Variants in LCORL observed in about 807,000 individuals in gnomAD.
LCORL encodes the protein ligand dependent nuclear receptor corepressor like.
Under a neutral mutation model 141.8 loss-of-function variants are expected in LCORL, and 41 were observed. That is an observed-to-expected ratio of 0.29 (90% CI 0.23 to 0.38). The LOEUF (loss-of-function observed/expected upper bound fraction) is 0.38. Ranked by LOEUF, LCORL falls within the 10% of genes least tolerant of loss-of-function variation. LCORL has a pLI of 1.00. For missense variants in LCORL, 1,759 were observed against 2,035.0 expected (o/e 0.86, Z 2.61); for synonymous variants, 618 against 694.1 (o/e 0.89, Z 1.72).
At chr4:17,930,714 C>G (rs140932300) in intron 4 of LCORL, among the ~76,000 whole-genome samples, 15 of 152,190 alleles carry the variant, frequency 9.9e-5, no homozygotes, top group South Asian at 4.1e-4. Context: ...TATTGACATA[C>G]GTGAGATTGT....
At chr4:17,876,572 T>G in exon 7 of LCORL, 1 of 1,230,952 alleles carries the variant, frequency 8.1e-7, no homozygotes, top group Non-Finnish European at 1.0e-6. Context: ...GATCGTTTTT[T>G]GTTGTGGATT....
chr4:17,931,193 C>T (rs769615232), intron 4 of LCORL, among the ~76,000 whole-genome samples: 1 of 151,942 alleles, frequency 6.6e-6, no homozygotes, highest in South Asian at 2.1e-4. Flanking sequence ...CTCTCTATTA[C>T]CCCCTCTCCT....
At chr4:17,939,809 A>T (rs1422957671) in intron 4 of LCORL, among the ~76,000 whole-genome samples, 2 of 151,690 alleles carry the variant, frequency 1.3e-5, no homozygotes. Flanking sequence ...AACAGAGGTG[A>T]AGTGTTGAAG....
intron 6 of LCORL, chr4:17,881,055 A>C (rs1727502708): frequency 2.0e-6 from 2 of 978,212 alleles, no homozygotes; most frequent in Non-Finnish European, 2.4e-6. Context: ...TAAAGTTAGT[A>C]TACAATTTAA....
intron 1 of LCORL, among the ~76,000 whole-genome samples, chr4:18,000,147 T>C (rs1721697946): frequency 6.9e-6 from 1 of 145,752 alleles, no homozygotes; most frequent in African/African-American, 2.6e-5. Flanking sequence ...TTTTTTGCAC[T>C]GAAAGAGTGA....
At chr4:17,983,914 T>C (rs1311110054) in intron 1 of LCORL, among the ~76,000 whole-genome samples, 1 of 152,220 alleles carries the variant, frequency 6.6e-6, no homozygotes, top group Non-Finnish European at 1.5e-5. Context: ...TTGTCATATG[T>C]GGCTCTTATT....
chr4:17,969,443 G>A (rs144347381), intron 2 of LCORL, among the ~76,000 whole-genome samples: 6 of 152,224 alleles, frequency 3.9e-5, no homozygotes, highest in African/African-American at 1.2e-4. Flanking sequence ...AAACACTAGC[G>A]TGTAAGATAA....
At chr4:17,911,591 A>C (rs992588172) in intron 4 of LCORL, 3 of 372,604 alleles carry the variant, frequency 8.1e-6, no homozygotes, top group Non-Finnish European at 1.5e-5. Flanking sequence ...ATAATGGCCT[A>C]AAGAAATCAG....
chr4:17,860,581 C>G (rs778272063), intron 7 of LCORL, among the ~76,000 whole-genome samples: 1 of 152,140 alleles, frequency 6.6e-6, no homozygotes, highest in African/African-American at 2.4e-5. Flanking sequence ...TGGTCCCTCC[C>G]AAATCTCATA....
At chr4:17,985,554 T>C (rs1487673876) in intron 1 of LCORL, among the ~76,000 whole-genome samples, 1 of 152,216 alleles carries the variant, frequency 6.6e-6, no homozygotes, top group Admixed American at 6.5e-5. Context: ...TTTGTTGGTT[T>C]AAAGTCTGTT....
chr4:17,981,412 AT>A (rs1717958935), intron 1 of LCORL, among the ~76,000 whole-genome samples: 1 of 152,160 alleles, frequency 6.6e-6, no homozygotes, highest in African/African-American at 2.4e-5. Context: ...TATCATTTTA[AT>A]TTGCAGTTCT....
chr4:17,940,036 CAT>C (rs1737600814), intron 4 of LCORL, among the ~76,000 whole-genome samples: 1 of 148,094 alleles, frequency 6.8e-6, no homozygotes, highest in Non-Finnish European at 1.5e-5. Context: ...ACACCATATG[CAT>C]ATATATACAC....
At chr4:18,006,219 A>G (rs1056464820) in intron 1 of LCORL, among the ~76,000 whole-genome samples, 1 of 152,126 alleles carries the variant, frequency 6.6e-6, no homozygotes, top group African/African-American at 2.4e-5. Context: ...AAAACATAAA[A>G]AGAGTCACCT....
chr4:17,848,265 C>T (rs1220002051), intron 7 of LCORL, among the ~76,000 whole-genome samples: 1 of 152,174 alleles, frequency 6.6e-6, no homozygotes, highest in Non-Finnish European at 1.5e-5. Context: ...TTGGGCAGTA[C>T]TGCTCTACAG....
rs12503018 is a variant in LCORL at position 17,932,665 on chromosome 4, G to A, written c.431-23320C>T. Among the ~76,000 whole-genome samples the A allele has an allele frequency of 5.0e-3, 762 of 152,186 alleles. 24 individuals are homozygous for A. The highest frequency in any genetic ancestry group is 0.044 in the Admixed American group (676 of 15,264). On this transcript the variant is annotated intron_variant, in intron 4 of 7. Transcript: ENST00000635767. Reference sequence around the variant, plus strand: ...AGGCTGAGCAAGCAGGGGGACATACGTGGCCCATCATCACTTTTTGTAGAT... The same window carrying A: ...AGGCTGAGCAAGCAGGGGGACATACATGGCCCATCATCACTTTTTGTAGAT...
At chr4:17,999,453 C>CAA (rs1311925734) in intron 1 of LCORL, among the ~76,000 whole-genome samples, 5 of 105,512 alleles carry the variant, frequency 4.7e-5, no homozygotes, top group African/African-American at 7.1e-5. Flanking sequence ...CTCCGTCTCA[C>CAA]AAAAAAAAAA....
intron 6 of LCORL, chr4:17,883,031 G>GT (rs1476284184): frequency 1.8e-5 from 18 of 977,100 alleles, no homozygotes; most frequent in Middle Eastern, 5.2e-4. Context: ...CTATGTGTCA[G>GT]TTTTTTTAAA....
chr4:17,896,222 AT>A (rs1319590528), intron 5 of LCORL, among the ~76,000 whole-genome samples: 6 of 152,112 alleles, frequency 3.9e-5, no homozygotes. Flanking sequence ...GATTCTAGCC[AT>A]CCCTAGTGGA....
chr4:17,852,467 G>C (rs893876851), intron 7 of LCORL, among the ~76,000 whole-genome samples: 1 of 152,038 alleles, frequency 6.6e-6, no homozygotes, highest in African/African-American at 2.4e-5. Flanking sequence ...CAATTAGCAT[G>C]CTTTAAAAAC....
Sources: gnomAD v4.1 joint callset for allele counts (sites outside exome capture counted in the v4.1 genomes callset) on GRCh38, gnomAD v4.1.1 for gene constraint, MANE v1.5 for transcripts, NCBI Gene and HGNC (gene_info 2026-07-23, HGNC 2026-07-21) for gene names.